Variants in ARFIP2 observed in about 807,000 individuals in gnomAD.
ARFIP2 encodes the protein ARF interacting protein 2.
In ARFIP2, 14 loss-of-function variants were observed where a neutral mutation model predicts 39.2. The ratio of observed to expected loss-of-function variants is 0.36; its 90% CI spans 0.24 to 0.56. The LOEUF (loss-of-function observed/expected upper bound fraction) is 0.56. ARFIP2 is among the 20% of genes least tolerant of loss of function. The pLI is 0.85. For missense variants in ARFIP2, 305 were observed against 422.5 expected, an observed-to-expected ratio of 0.72 and a Z score of 2.44; for synonymous variants, 167 against 172.4, an observed-to-expected ratio of 0.97 and a Z score of 0.24.
Position 6,480,469 on chromosome 11 carries a change from A to G in ARFIP2, c.-42-6T>C. 6.8e-7 allele frequency: 1 copy of G among 1,461,820 alleles called. No individual in the cohort carries two copies. The highest frequency in any genetic ancestry group is 9.3e-7 in the Non-Finnish European group (1 of 1,080,486). 90.6% of individuals were successfully genotyped at this position (1,461,820 alleles called of 1,614,324 possible). On this transcript the variant is annotated splice_polypyrimidine_tract_variant and splice_region_variant and intron_variant, in intron 1 of 7. Coordinates refer to ENST00000396777, the MANE Select transcript of ARFIP2 (RefSeq NM_001376558.2). ...AAACTCTCCACCCCAGCACCCTGCA[A>G]AGCCCAACACAGAAGTTCTGGACAC... is the stretch of plus-strand genomic sequence containing the variant.
chr11:6,481,313 A>G lies in ARFIP2; in HGVS notation c.-125T>C, dbSNP rs1240266034. ...GGGCTCCAGTTCCCGTCGCGATCCT[A>G]GCAGCAGGTCAGGGACTCGGCGGAA... On this transcript the variant is annotated 5_prime_UTR_variant, in exon 1 of 8. Transcript: ENST00000396777. 5.2e-6 allele frequency: 4 copies of G among 766,474 alleles called. No individual in the cohort carries two copies. The highest frequency in any genetic ancestry group is 5.6e-5 in the Admixed American group (2 of 35,962). 47.5% of individuals were successfully genotyped at this position (766,474 alleles called of 1,614,324 possible).
In ARFIP2 at chr11:6,477,222, G is replaced by A. The variant is rs372336395; in HGVS notation, c.917C>T (p.Ser306Phe). Residue 306 changes from serine to phenylalanine, a missense_variant, in exon 8 of 8, where the codon TCC (serine) becomes TTC (phenylalanine). Physicochemically the swap from Ser to Phe is radical, Grantham distance 155. Transcript: ENST00000396777. This position sits in a 1 kb window ranked among gnomAD's most constrained non-coding sequence, Gnocchi z 4.8. ...TTTCTGGTTCCCAGCAAAGTAGGCG[G>A]ACACAGCATTGTGGAAGAGCAGCAG... Reference protein sequence around the residue: ...KQLLLFHNAVSAYFAGNQKQL... With the variant: ...KQLLLFHNAVFAYFAGNQKQL... The A allele has an allele frequency of 7.4e-5, 119 of 1,613,612 alleles. No individual in the cohort carries two copies. The highest frequency in any genetic ancestry group is 1.8e-4 in the Admixed American group (11 of 59,960).
rs1355357896 is a variant in ARFIP2, at chr11:6,477,329, G to C, written c.871-61C>G. 6 of 1,560,344 alleles carry C rather than the reference G, an allele frequency of 3.8e-6. No homozygotes were observed. In the Admixed American group the frequency reaches 1.1e-4, roughly 29 times the overall value. On this transcript the variant is annotated intron_variant, in intron 7 of 7. Transcript: ENST00000396777. The surrounding 1 kb of genome is among the most constrained non-coding windows in gnomAD (Gnocchi z 4.8). Reference sequence around the variant, plus strand: ...AGGCGCCCTTCTTGAGGGTCTATGAGCCTGAGCCCAGGCACAGACCAGGGG... The same window carrying C: ...AGGCGCCCTTCTTGAGGGTCTATGACCCTGAGCCCAGGCACAGACCAGGGG...
chr11:6,479,097 C>A (rs1221337124), intron 4 of ARFIP2, 43 bp downstream of exon 4: 1 of 1,600,576 alleles, frequency 6.2e-7, no homozygotes, highest in South Asian at 1.1e-5. Context: ...GAAAAAGGTA[C>A]CCATAAGGAG....
At position 6,477,934 on chromosome 11, in the gene ARFIP2, C is replaced by G. The variant is rs373432045; in HGVS notation, c.696-42G>C. On this transcript the variant is annotated intron_variant, in intron 6 of 7. Coordinates refer to ENST00000396777, the MANE Select transcript of ARFIP2 (RefSeq NM_001376558.2). The surrounding 1 kb of genome is among the most constrained non-coding windows in gnomAD (Gnocchi z 4.8). Reference sequence around the variant, plus strand: ...AAAGGCTGGTCTCCACTCCTTTATCCTCAACACATACTCTCCTTTCCTTCC... The same window carrying G: ...AAAGGCTGGTCTCCACTCCTTTATCGTCAACACATACTCTCCTTTCCTTCC... 3.1e-6 allele frequency: 5 copies of G among 1,609,848 alleles called. No homozygotes were observed. The highest frequency in any genetic ancestry group is 4.2e-6 in the Non-Finnish European group (5 of 1,177,222).
In ARFIP2 at chr11:6,477,914, C is replaced by G. The variant is rs770361386; in HGVS notation, c.696-22G>C. ...CAGCCTGGGGAGGGGGTGATAAAGG[C>G]TGGTCTCCACTCCTTTATCCTCAAC... On this transcript the variant is annotated intron_variant, in intron 6 of 7. Transcript: ENST00000396777. The surrounding 1 kb of genome is among the most constrained non-coding windows in gnomAD (Gnocchi z 4.8). The G allele has an allele frequency of 1.9e-6, 3 of 1,612,732 alleles. No individual in the cohort carries two copies. The South Asian group carries it at 3.3e-5, about 18-fold the overall frequency.
Position 6,477,086 on chromosome 11 carries a change from T to C in ARFIP2, c.*27A>G. 6.3e-7 allele frequency: 1 copy of C among 1,595,772 alleles called. No homozygotes were observed. On this transcript the variant is annotated 3_prime_UTR_variant, in exon 8 of 8. Transcript: ENST00000396777. This position sits in a 1 kb window ranked among gnomAD's most constrained non-coding sequence, Gnocchi z 4.8. ...GGGCTGCCCTTCCCAATGTCTTTCT[T>C]GATAGCCAAGTTGGGCTGGGAGCAG...
chr11:6,477,311 C>A lies in ARFIP2; in HGVS notation c.871-43G>T. 1 of 1,592,078 alleles carries A rather than the reference C, an allele frequency of 6.3e-7. No individual in the cohort carries two copies. Among genetic ancestry groups the A allele is most frequent in the South Asian group, 1.1e-5 (1 of 88,144 alleles). On this transcript the variant is annotated intron_variant, in intron 7 of 7. Coordinates refer to ENST00000396777, the MANE Select transcript of ARFIP2 (RefSeq NM_001376558.2). This position sits in a 1 kb window ranked among gnomAD's most constrained non-coding sequence, Gnocchi z 4.8. ...TCAGCTAAGGCTGGACTCAGGCGCC[C>A]TTCTTGAGGGTCTATGAGCCTGAGC...
rs1462504598 is a variant in ARFIP2 at position 6,478,264 on chromosome 11, T to C, written c.538-66A>G. ...CTACCTGACTGAAGCTGTAGAGCCC[T>C]TCATTCCCCTCCTCCCCGGGGAGGA... On this transcript the variant is annotated intron_variant, in intron 5 of 7. Coordinates refer to ENST00000396777, the MANE Select transcript of ARFIP2 (RefSeq NM_001376558.2). This position sits in a 1 kb window ranked among gnomAD's most constrained non-coding sequence, Gnocchi z 4.8. 18 of 1,575,694 alleles carry C rather than the reference T, an allele frequency of 1.1e-5. No individual in the cohort carries two copies. The East Asian group carries it at 4.1e-4, about 35-fold the overall frequency.
rs1454706431 is a variant in ARFIP2, at chr11:6,476,799, G to A, written c.*314C>T. The A allele has an allele frequency of 6.6e-6, 2 of 303,036 alleles. No individual in the cohort carries two copies. The highest frequency in any genetic ancestry group is 5.0e-5 in the South Asian group (1 of 19,844). The allele number at this position is 303,036 out of a possible 1,614,324, so 18.8% of individuals were successfully genotyped here. On this transcript the variant is annotated 3_prime_UTR_variant, in exon 8 of 8. Coordinates refer to ENST00000396777, the MANE Select transcript of ARFIP2 (RefSeq NM_001376558.2). ...TTTTCAGGCTCTGTCATTGGTCAGGGAGCACACCCCAGCCTGAAGAGTGAT... is the reference window on the plus strand; with the variant it reads ...TTTTCAGGCTCTGTCATTGGTCAGGAAGCACACCCCAGCCTGAAGAGTGAT...
At position 6,477,719 on chromosome 11, in the gene ARFIP2, T is replaced by C. The variant is rs759253880; in HGVS notation, c.869A>G (p.Lys290Arg). The C allele has an allele frequency of 6.2e-7, 1 of 1,613,732 alleles. No homozygotes were observed. Among genetic ancestry groups the C allele is most frequent in the Non-Finnish European group, 8.5e-7 (1 of 1,179,844 alleles). Residue 290 changes from lysine (K) to arginine (R), a missense_variant and splice_region_variant, in exon 7 of 8, where the codon AAG becomes AGG. Around this residue, in one of 3 missense-constraint regions of ARFIP2, gnomAD observed 112 missense variants for 118.2 expected, o/e 0.95. Coordinates refer to ENST00000396777, the MANE Select transcript of ARFIP2 (RefSeq NM_001376558.2). This position sits in a 1 kb window ranked among gnomAD's most constrained non-coding sequence, Gnocchi z 4.8. Reference protein sequence around the residue: ...AIKLKFLEENKIKVMHKQLLL... With the variant: ...AIKLKFLEENRIKVMHKQLLL... ...GGGTCAAGGGGGTGGGGTTGGCACC[T>C]TGTTTTCTTCCAGGAACTTGAGCTT...
At position 6,478,710 on chromosome 11, in the gene ARFIP2, C is replaced by T. The variant is rs751099408; in HGVS notation, c.537+28G>A. The T allele has an allele frequency of 8.1e-6, 13 of 1,598,012 alleles. No homozygotes were observed. Among genetic ancestry groups the T allele is most frequent in the Middle Eastern group, 3.3e-4 (2 of 6,046 alleles). ...CCTGGGAGGGCCCATGCCCAGTTCC[C>T]CCACCCTCTTTGGTCTGGGTGAGGC... On this transcript the variant is annotated intron_variant, in intron 5 of 7. Coordinates refer to ENST00000396777, the MANE Select transcript of ARFIP2 (RefSeq NM_001376558.2). This position sits in a 1 kb window ranked among gnomAD's most constrained non-coding sequence, Gnocchi z 4.8.
In ARFIP2 at chr11:6,478,690, G is replaced by C; in HGVS notation, c.537+48C>G. 6.3e-7 allele frequency: 1 copy of C among 1,577,248 alleles called. No individual in the cohort carries two copies. The highest frequency in any genetic ancestry group is 8.6e-7 in the Non-Finnish European group (1 of 1,157,578). On this transcript the variant is annotated intron_variant, in intron 5 of 7. Transcript: ENST00000396777. This position sits in a 1 kb window ranked among gnomAD's most constrained non-coding sequence, Gnocchi z 4.8. Reference sequence around the variant, plus strand: ...GGGAGGATGAGGAATGACTGCCTGGGAGGGCCCATGCCCAGTTCCCCCACC... The same window carrying C: ...GGGAGGATGAGGAATGACTGCCTGGCAGGGCCCATGCCCAGTTCCCCCACC...
At position 6,480,007 on chromosome 11, in the gene ARFIP2, C is replaced by G; in HGVS notation, c.161G>C (p.Gly54Ala). ...GAGTCCATCACCAGAGCCCCCATAG[C>G]CACCAGACACAATGCTGGTTTCATT... ...NLNETSIVSG[G>A]YGGSGDGLIP... Residue 54 changes from glycine (G) to alanine (A), a missense_variant, in exon 3 of 8, where the codon GGC (glycine) becomes GCC (alanine). Physicochemically the swap from Gly to Ala is moderately conservative, Grantham distance 60. This residue lies in a region of ARFIP2 where 151 missense variants were observed against 203.1 expected (regional missense o/e 0.74). Transcript: ENST00000396777. 6.2e-7 allele frequency: 1 copy of G among 1,614,132 alleles called. No individual in the cohort carries two copies. The highest frequency in any genetic ancestry group is 8.5e-7 in the Non-Finnish European group (1 of 1,180,038).
intron 3 of ARFIP2, 190 bp from the exon 4 acceptor site, chr11:6,479,448 T>C (rs192100870): frequency 9.2e-7 from 1 of 1,090,774 alleles, no homozygotes; most frequent in Non-Finnish European, 1.3e-6. Context: ...GATATACATA[T>C]GGCCTCCTTG....
chr11:6,479,056 C>A, intron 4 of ARFIP2, 84 bp downstream of exon 4: 1 of 1,581,036 alleles, frequency 6.3e-7, no homozygotes, highest in Non-Finnish European at 8.7e-7. Context: ...CTCTCAGCCA[C>A]AGATGGGATA....
Position 6,477,243 on chromosome 11 carries a change from A to G in ARFIP2, c.896T>C (p.Leu299Pro). 1 of 1,613,570 alleles carries G rather than the reference A, an allele frequency of 6.2e-7. No homozygotes were observed. The highest frequency in any genetic ancestry group is 8.5e-7 in the Non-Finnish European group (1 of 1,179,838). The change falls in exon 8 of 8, where the codon CTG (leucine) becomes CCG (proline). Residue 299 changes from leucine to proline, a missense_variant. By Grantham distance (98) the Leu-to-Pro change is moderately conservative. This residue lies in a region of ARFIP2 where 112 missense variants were observed against 118.2 expected (regional missense o/e 0.95). Transcript: ENST00000396777. The surrounding 1 kb of genome is among the most constrained non-coding windows in gnomAD (Gnocchi z 4.8). Reference sequence around the variant, plus strand: ...GGCGGACACAGCATTGTGGAAGAGCAGCAGCTGCTTGTGCATCACCTTGAT... The same window carrying G: ...GGCGGACACAGCATTGTGGAAGAGCGGCAGCTGCTTGTGCATCACCTTGAT... The part of the protein sequence containing the change: ...NKIKVMHKQL[L>P]LFHNAVSAYF...
rs1851455029 is a variant in ARFIP2 at position 6,479,229 on chromosome 11, T to C, written c.226A>G (p.Thr76Ala). Residue 76 changes from threonine (T) to alanine (A), a missense_variant, in exon 4 of 8, where the codon ACT becomes GCT. This residue lies in a region of ARFIP2 where 151 missense variants were observed against 203.1 expected (regional missense o/e 0.74). Coordinates refer to ENST00000396777, the MANE Select transcript of ARFIP2 (RefSeq NM_001376558.2). ...ACCTCATCTCCAGGGCCAGAAGGAGTGGTGCTGTGAGATGGATGGCGGCCA... is the reference window on the plus strand; with the variant it reads ...ACCTCATCTCCAGGGCCAGAAGGAGCGGTGCTGTGAGATGGATGGCGGCCA... ...GSGRHPSHSTTPSGPGDEVAR... is the reference protein window; with the variant it reads ...GSGRHPSHSTAPSGPGDEVAR... 1 of 1,613,376 alleles carries C rather than the reference T, an allele frequency of 6.2e-7. No individual in the cohort carries two copies. Among genetic ancestry groups the C allele is most frequent in the Admixed American group, 1.7e-5 (1 of 59,908 alleles).
chr11:6,480,294 A>G (rs1424523798), intron 2 of ARFIP2, 29 bp downstream of exon 2: 1 of 1,600,836 alleles, frequency 6.2e-7, no homozygotes, highest in Non-Finnish European at 8.5e-7. Flanking sequence ...TCCTAAATTG[A>G]AACAATTAGA....
Sources: allele counts gnomAD v4.1 joint callset, GRCh38; gene constraint gnomAD v4.1.1; regional missense constraint gnomAD v4.1.1; non-coding constraint Gnocchi (gnomAD v3.1); transcripts MANE v1.5; gene names NCBI Gene and HGNC (gene_info 2026-07-23, HGNC 2026-07-21).